Variants in ALDH1A2 observed in about 807,000 individuals in gnomAD.
ALDH1A2 encodes the protein retinal dehydrogenase 2.
Under a neutral mutation model 60.3 loss-of-function variants are expected in ALDH1A2, and 27 were observed. That is an observed-to-expected ratio of 0.45 (90% CI 0.33 to 0.62). The LOEUF is 0.62. Among genes scored for constraint, ALDH1A2 ranks in the 20% least tolerant of loss-of-function variants. The probability of loss-of-function intolerance (pLI) is 0.02; values close to 1 mark genes in which losing one functional copy is unlikely to be tolerated. For missense variants in ALDH1A2, 581 were observed against 643.8 expected (o/e 0.90, Z 1.06); for synonymous variants, 289 against 232.4 (o/e 1.24, Z -2.21).
rs188256874 is a variant in ALDH1A2 at position 57,965,478 on chromosome 15, C to G, written c.901+247G>C. 3.2e-3 allele frequency among the ~76,000 whole-genome samples: 490 copies of G among 152,350 alleles called. 3 individuals are homozygous for G. The highest frequency in any genetic ancestry group is 0.011 in the African/African-American group (469 of 41,588). On this transcript the variant is annotated intron_variant, in intron 8 of 12. Coordinates refer to ENST00000249750, the MANE Select transcript of ALDH1A2 (RefSeq NM_003888.4). ...CATATGCCACTGACCAAGCCTTCAT[C>G]TCATCCCCCTATTCTACAACATCAC...
intron 7 of ALDH1A2, 49 bp downstream of exon 7, chr15:57,992,656 A>G (rs760451351): frequency 6.5e-7 from 1 of 1,548,630 alleles, no homozygotes; most frequent in Non-Finnish European, 8.9e-7. Context: ...GTAACCCCTC[A>G]ACTCATTTGC....
rs1489300228 is a variant in ALDH1A2 at position 57,977,209 on chromosome 15, C to T, written c.799-11382G>A. ...TGTCCCACTCTGTAGGTTGCCTGTT[C>T]ACTCTGATGATAGTTTCTTTTGCTG... On this transcript the variant is annotated intron_variant, in intron 7 of 12. Transcript: ENST00000249750. Among the ~76,000 whole-genome samples, 4 of 151,968 alleles carry T rather than the reference C, an allele frequency of 2.6e-5. No homozygotes were observed. The East Asian group carries it at 5.8e-4, about 22-fold the overall frequency.
At chr15:58,003,425 A>T (rs1369457691) in intron 4 of ALDH1A2, among the ~76,000 whole-genome samples, 2 of 151,894 alleles carry the variant, frequency 1.3e-5, no homozygotes, top group African/African-American at 4.8e-5. Context: ...ATCTTTGTGT[A>T]TTTGTATCCT....
intron 12 of ALDH1A2, among the ~76,000 whole-genome samples, chr15:57,956,451 C>A (rs1463485019): frequency 6.6e-6 from 1 of 152,166 alleles, no homozygotes; most frequent in Non-Finnish European, 1.5e-5. Context: ...CTTTTAGGAG[C>A]CCCCATGGCC....
chr15:58,016,014 C>T (rs1168148611), intron 1 of ALDH1A2, among the ~76,000 whole-genome samples: 2 of 152,146 alleles, frequency 1.3e-5, no homozygotes, highest in African/African-American at 4.8e-5. Context: ...TAAGGATCCA[C>T]TTCTTGGGTA....
chr15:58,036,386 T>C (rs1439828248), intron 1 of ALDH1A2, among the ~76,000 whole-genome samples: 1 of 151,656 alleles, frequency 6.6e-6, no homozygotes, highest in Non-Finnish European at 1.5e-5. Flanking sequence ...GCAGCAACTT[T>C]TGGCAGCAAC....
At chr15:58,014,041 A>T in intron 2 of ALDH1A2, 43 bp from the exon 3 acceptor site, 1 of 1,614,090 alleles carries the variant, frequency 6.2e-7, no homozygotes, top group Non-Finnish European at 8.5e-7. Context: ...AACACTCCAA[A>T]TAAAGGAAGA....
intron 1 of ALDH1A2, among the ~76,000 whole-genome samples, chr15:58,032,207 G>A (rs1246103653): frequency 2.0e-5 from 3 of 152,232 alleles, no homozygotes; most frequent in Non-Finnish European, 1.5e-5. Context: ...CCTTTGTAGG[G>A]ACATGGATGA....
At chr15:58,062,090 C>CA (rs1233706776) in intron 1 of ALDH1A2, among the ~76,000 whole-genome samples, 1 of 152,126 alleles carries the variant, frequency 6.6e-6, no homozygotes, top group Non-Finnish European at 1.5e-5. Context: ...AATCTAGACT[C>CA]ACGATGCACA....
intron 5 of ALDH1A2, 63 bp from the exon 6 acceptor site, chr15:57,993,136 G>C: frequency 6.3e-7 from 1 of 1,585,284 alleles, no homozygotes; most frequent in Non-Finnish European, 8.6e-7. Flanking sequence ...TTGTTTTCAA[G>C]CTGTGACTTC....
At chr15:58,016,976 A>G (rs1158923532) in intron 1 of ALDH1A2, among the ~76,000 whole-genome samples, 1 of 152,214 alleles carries the variant, frequency 6.6e-6, no homozygotes, top group Non-Finnish European at 1.5e-5. Context: ...TAAAATTAAG[A>G]GAAAGATATT....
In ALDH1A2 at chr15:57,963,891, AC is replaced by A; in HGVS notation, c.1079del (p.Gly360ValfsTer67). ...ATGGTTATGATTTTTCTACCTGGGG[AC>A]CCTGCTCAGTGGTGGGGTCAAAGGG... ...GSPFDPTTEQ[G>X]PQIDKKQYNK... On this transcript the variant is annotated frameshift_variant, in exon 9 of 13. Transcript: ENST00000249750. LOFTEE classifies it high-confidence loss of function. 6.2e-7 allele frequency: 1 copy of A among 1,614,056 alleles called. No homozygotes were observed. The highest frequency in any genetic ancestry group is 8.5e-7 in the Non-Finnish European group (1 of 1,179,980).
chr15:58,033,110 C>T (rs1040747716), intron 1 of ALDH1A2, among the ~76,000 whole-genome samples: 5 of 151,896 alleles, frequency 3.3e-5, no homozygotes, highest in Non-Finnish European at 5.9e-5. Context: ...ATAGTAGCTT[C>T]GGATGACTAT....
At chr15:57,958,339 T>C (rs1218679718) in intron 12 of ALDH1A2, among the ~76,000 whole-genome samples, 1 of 151,142 alleles carries the variant, frequency 6.6e-6, no homozygotes, top group Admixed American at 6.6e-5. Flanking sequence ...TCTCCTCAGT[T>C]TGTGACATTT....
In ALDH1A2 at chr15:57,954,498, A is replaced by G. The variant is rs4646643; in HGVS notation, c.*699T>C. The G allele has an allele frequency of 0.093, 14,428 of 154,716 alleles. 700 individuals carry two copies. Among genetic ancestry groups the G allele is most frequent in the Middle Eastern group, 0.14 (40 of 294 alleles). 9.6% of individuals were successfully genotyped at this position (154,716 alleles called of 1,614,324 possible). A position where few individuals can be genotyped will look rare whatever the true frequency, so the allele number is the denominator to read the frequency against. On this transcript the variant is annotated 3_prime_UTR_variant, in exon 13 of 13. Coordinates refer to ENST00000249750, the MANE Select transcript of ALDH1A2 (RefSeq NM_003888.4). ...CAAGCTCAGAAGCGGTGAACTGCAC[A>G]TGATGACTTCCAGTCTCTATTGTCC...
intron 4 of ALDH1A2, among the ~76,000 whole-genome samples, chr15:58,006,278 T>C (rs1276041225): frequency 6.6e-6 from 1 of 151,970 alleles, no homozygotes; most frequent in African/African-American, 2.4e-5. Flanking sequence ...TGGTTTTCCA[T>C]TCCTGAGTTA....
chr15:57,976,726 C>T (rs1894271759), intron 7 of ALDH1A2, among the ~76,000 whole-genome samples: 1 of 152,190 alleles, frequency 6.6e-6, no homozygotes, highest in Non-Finnish European at 1.5e-5. Flanking sequence ...AATAAACATA[C>T]AAGTGCATGT....
intron 8 of ALDH1A2, chr15:57,964,412 G>C: frequency 4.3e-6 from 1 of 231,528 alleles, no homozygotes; most frequent in African/African-American, 2.2e-5. Flanking sequence ...GAGGGGCTAA[G>C]AAGGAAAGCC....
At chr15:58,064,788 G>A (rs1897130497) in intron 1 of ALDH1A2, among the ~76,000 whole-genome samples, 2 of 151,670 alleles carry the variant, frequency 1.3e-5, no homozygotes, top group African/African-American at 2.4e-5. Context: ...GGTAGCAGAC[G>A]CATATTCTTT....
Sources: allele counts gnomAD v4.1 joint callset (sites outside exome capture counted in the v4.1 genomes callset), GRCh38; gene constraint gnomAD v4.1.1; transcripts MANE v1.5; gene names NCBI Gene and HGNC (gene_info 2026-07-23, HGNC 2026-07-21).